IKBKE: variants seen among roughly 807,000 people sequenced by gnomAD.
IKBKE encodes inhibitor of nuclear factor kappa B kinase subunit epsilon, also known as inhibitor of nuclear factor kappa-B kinase subunit epsilon.
IKBKE carries 45 observed loss-of-function variants against 92.1 expected under a neutral mutation model. The ratio of observed to expected loss-of-function variants is 0.49; its 90% CI spans 0.38 to 0.63. IKBKE has a LOEUF of 0.63. Ranked by LOEUF, IKBKE falls within the 20% of genes least tolerant of loss-of-function variation. The probability of loss-of-function intolerance (pLI) is 0.00; values close to 1 mark genes in which losing one functional copy is unlikely to be tolerated. For missense variants in IKBKE, 700 were observed against 932.8 expected (o/e 0.75, Z 3.25); for synonymous variants, 374 against 380.3 (o/e 0.98, Z 0.19).
intron 5 of IKBKE, 192 bp downstream of exon 5, chr1:206,475,186 C>A: frequency 1.7e-6 from 1 of 589,004 alleles, no homozygotes; most frequent in Non-Finnish European, 2.8e-6. Flanking sequence ...GTGGAAACAT[C>A]CTAACTGTGA....
chr1:206,488,622 G>C lies in IKBKE; in HGVS notation c.1693+632G>C, dbSNP rs569028013. On this transcript the variant is annotated intron_variant, in intron 16 of 21. Coordinates refer to ENST00000581977, the MANE Select transcript of IKBKE (RefSeq NM_014002.4). ...AGGGGGTTGGAGGGAGCCTGCGGAG[G>C]CTCCAGTTGACTCCTCAGGTTGGGG... Among the ~76,000 whole-genome samples, 29 of 152,200 alleles carry C rather than the reference G, an allele frequency of 1.9e-4. No individual in the cohort carries two copies. The East Asian group carries it at 3.9e-3, about 20-fold the overall frequency.
chr1:206,471,621 C>T (rs1664776847), intron 2 of IKBKE, among the ~76,000 whole-genome samples: 1 of 152,198 alleles, frequency 6.6e-6, no homozygotes, highest in Admixed American at 6.5e-5. Context: ...CCCAGACCTG[C>T]TGGCTGCCTC....
At chr1:206,491,223 A>C in intron 17 of IKBKE, 1 of 381,958 alleles carries the variant, frequency 2.6e-6, no homozygotes. Flanking sequence ...TCCCGGACAC[A>C]CTCACGTCCA....
chr1:206,474,778 C>T, intron 4 of IKBKE, 87 bp from the exon 5 acceptor site: 1 of 1,502,916 alleles, frequency 6.7e-7, no homozygotes, highest in South Asian at 1.3e-5. Flanking sequence ...AGAATGGGGG[C>T]TCTGGGCTCC....
intron 4 of IKBKE, 89 bp from the exon 5 acceptor site, chr1:206,474,776 G>T: frequency 1.3e-6 from 2 of 1,491,802 alleles, no homozygotes; most frequent in Non-Finnish European, 1.8e-6. Context: ...GGAGAATGGG[G>T]GCTCTGGGCT....
Position 206,485,342 on chromosome 1 carries a change from G to A in IKBKE, c.1616+36G>A, listed in dbSNP as rs782410144. The A allele has an allele frequency of 7.9e-7, 1 of 1,271,058 alleles. No homozygotes were observed. The highest frequency in any genetic ancestry group is 1.5e-5 in the African/African-American group (1 of 68,168). 78.7% of individuals were successfully genotyped at this position (1,271,058 alleles called of 1,614,324 possible). On this transcript the variant is annotated intron_variant, in intron 15 of 21. Coordinates refer to ENST00000581977, the MANE Select transcript of IKBKE (RefSeq NM_014002.4). The surrounding 1 kb of genome is among the most constrained non-coding windows in gnomAD (Gnocchi z 5.0). ...TTTTCCTTCTTTGTGGGGTGGGAGT[G>A]GGGGAGTGGGCAGCTCCAAAGGTCC...
Position 206,490,295 on chromosome 1 carries a change from G to A in IKBKE, c.1694-524G>A, listed in dbSNP as rs999767698. On this transcript the variant is annotated intron_variant, in intron 16 of 21. Coordinates refer to ENST00000581977, the MANE Select transcript of IKBKE (RefSeq NM_014002.4). The surrounding 1 kb of genome is among the most constrained non-coding windows in gnomAD (Gnocchi z 5.2). ...ATCTCCCTAGTGCATGAGCCTTAGG[G>A]CCCTTCAGGAGGCAGCCAAGGCCAT... Among the ~76,000 whole-genome samples the A allele has an allele frequency of 6.6e-6, 1 of 152,224 alleles. No individual in the cohort carries two copies. Among genetic ancestry groups the A allele is most frequent in the Non-Finnish European group, 1.5e-5 (1 of 68,048 alleles).
At chr1:206,495,151 C>T (rs536190989) in intron 21 of IKBKE, among the ~76,000 whole-genome samples, 1 of 152,282 alleles carries the variant, frequency 6.6e-6, no homozygotes, top group African/African-American at 2.4e-5. Context: ...ATCTCCCACT[C>T]CTGCCTGTCA....
chr1:206,477,785 T>C lies in IKBKE; in HGVS notation c.738T>C (p.Ile246=). The C allele has an allele frequency of 6.4e-7, 1 of 1,570,536 alleles. No individual in the cohort carries two copies. The highest frequency in any genetic ancestry group is 1.4e-5 in the African/African-American group (1 of 73,954). Residue 246 remains isoleucine (I), a synonymous_variant, in exon 8 of 22, where the codon ATT becomes ATC. Transcript: ENST00000581977. ...RITTEKPAGA[I]AGAQRRENGP... is the part of the protein sequence containing the mutation. ...CCACGGAGAAGCCGGCTGGGGCCAT[T>C]GCAGGTGCCCAGAGGCGGGAGAACG...
In IKBKE at chr1:206,490,702, C is replaced by G; in HGVS notation, c.1694-117C>G. The G allele has an allele frequency of 9.7e-7, 1 of 1,032,938 alleles. No homozygotes were observed. Among genetic ancestry groups the G allele is most frequent in the Non-Finnish European group, 1.5e-6 (1 of 661,510 alleles). 64.0% of individuals were successfully genotyped at this position (1,032,938 alleles called of 1,614,324 possible). A position where few individuals can be genotyped will look rare whatever the true frequency, so the allele number is the denominator to read the frequency against. On this transcript the variant is annotated intron_variant, in intron 16 of 21. Coordinates refer to ENST00000581977, the MANE Select transcript of IKBKE (RefSeq NM_014002.4). The surrounding 1 kb of genome is among the most constrained non-coding windows in gnomAD (Gnocchi z 5.2). ...CTCCTGCTCCGCTGGGCGGTGAGTT[C>G]CCGTGAAGCAGCACAGGCTGGGCCG...
At chr1:206,484,644 A>G (rs1267936590) in intron 13 of IKBKE, among the ~76,000 whole-genome samples, 1 of 152,244 alleles carries the variant, frequency 6.6e-6, no homozygotes, top group Non-Finnish European at 1.5e-5. Context: ...CAAGAAATAC[A>G]GTTTCTACTG....
chr1:206,472,585 TCTCA>T (rs1553384089), intron 2 of IKBKE, among the ~76,000 whole-genome samples: 1 of 144,110 alleles, frequency 6.9e-6, no homozygotes, highest in South Asian at 2.2e-4. Flanking sequence ...ACACACACAC[TCTCA>T]CACACACACA....
Position 206,477,836 on chromosome 1 carries a change from C to G in IKBKE, c.789C>G (p.Leu263=), listed in dbSNP as rs782310244. The change falls in exon 8 of 22, where the codon CTC becomes CTG. Residue 263 remains leucine (L), a synonymous_variant. Coordinates refer to ENST00000581977, the MANE Select transcript of IKBKE (RefSeq NM_014002.4). ...ENGPLEWSYT[L]PITCQLSLGL... is the part of the protein sequence containing the mutation. ...GGCCCCTGGAGTGGAGCTACACCCT[C>G]CCCATCACCTGCCAGCTGTCACTGT... 9 of 1,555,316 alleles carry G rather than the reference C, an allele frequency of 5.8e-6. No individual in the cohort carries two copies. The Admixed American group carries it at 1.7e-4, about 30-fold the overall frequency.
intron 13 of IKBKE, among the ~76,000 whole-genome samples, chr1:206,484,767 CT>C (rs1473481094): frequency 3.3e-5 from 5 of 152,170 alleles, no homozygotes; most frequent in Non-Finnish European, 7.3e-5. Flanking sequence ...GTGTTACAAT[CT>C]GTCTCAACCT....
rs782445675 is a variant in IKBKE at position 206,478,112 on chromosome 1, T to C, written c.813-48T>C. 1.9e-6 allele frequency: 3 copies of C among 1,539,842 alleles called. No homozygotes were observed. Among genetic ancestry groups the C allele is most frequent in the Non-Finnish European group, 2.7e-6 (3 of 1,120,706 alleles). On this transcript the variant is annotated intron_variant, in intron 8 of 21. Coordinates refer to ENST00000581977, the MANE Select transcript of IKBKE (RefSeq NM_014002.4). The surrounding 1 kb of genome is among the most constrained non-coding windows in gnomAD (Gnocchi z 4.8). ...GCTCCTATTGCCTGCTTAAGGAGGATAGGTCTGGGCCCCCACCCCTGACAG... is the reference window on the plus strand; with the variant it reads ...GCTCCTATTGCCTGCTTAAGGAGGACAGGTCTGGGCCCCCACCCCTGACAG...
rs782067243 is a variant in IKBKE at position 206,476,228 on chromosome 1, A to T, written c.406A>T (p.Ile136Phe). 1 of 1,614,202 alleles carries T rather than the reference A, an allele frequency of 6.2e-7. No individual in the cohort carries two copies. Among genetic ancestry groups the T allele is most frequent in the South Asian group, 1.1e-5 (1 of 91,084 alleles). Residue 136 changes from isoleucine (I) to phenylalanine (F), a missense_variant, in exon 6 of 22, where the codon ATC (isoleucine) becomes TTC (phenylalanine). Ile to Phe is a conservative substitution (Grantham distance 21). Coordinates refer to ENST00000581977, the MANE Select transcript of IKBKE (RefSeq NM_014002.4). The surrounding 1 kb of genome is among the most constrained non-coding windows in gnomAD (Gnocchi z 5.1). ...LRENGIVHRD[I>F]KPGNIMRLVG... ...GGAGAACGGCATTGTGCATCGCGAC[A>T]TCAAGCCGGGGAACATCATGCGCCT...
intron 7 of IKBKE, among the ~76,000 whole-genome samples, chr1:206,477,094 C>T (rs1665109591): frequency 6.6e-6 from 1 of 152,246 alleles, no homozygotes. Flanking sequence ...TGCTCCCTTA[C>T]TGCTCTCCTC....
intron 18 of IKBKE, chr1:206,492,023 C>CT (rs1203472280): frequency 2.2e-5 from 8 of 367,042 alleles, no homozygotes; most frequent in African/African-American, 1.7e-4. Flanking sequence ...AACAGGTCTC[C>CT]TCTGCACATC....
chr1:206,477,505 G>A lies in IKBKE; in HGVS notation c.702-244G>A, dbSNP rs895321094. 3.6e-4 allele frequency among the ~76,000 whole-genome samples: 10 copies of A among 28,104 alleles called. No individual in the cohort carries two copies. The African/African-American group carries it at 3.8e-3, about 11-fold the overall frequency. The allele number at this position is 28,104 out of a possible 152,430, so 18.4% of individuals were successfully genotyped here. On this transcript the variant is annotated intron_variant, in intron 7 of 21. Coordinates refer to ENST00000581977, the MANE Select transcript of IKBKE (RefSeq NM_014002.4). ...GGAGGCTGGCCAGGCTGAGGGAAGT[G>A]TAGCGGGGGGAGAGGCAGTGGACAG...
Sources: allele counts gnomAD v4.1 joint callset (sites outside exome capture counted in the v4.1 genomes callset), GRCh38; gene constraint gnomAD v4.1.1; non-coding constraint Gnocchi (gnomAD v3.1); transcripts MANE v1.5; gene names NCBI Gene and HGNC (gene_info 2026-07-23, HGNC 2026-07-21).